The following HNRNPA1L2 variants were observed in gnomAD, a reference collection of about 807,000 sequenced individuals.
HNRNPA1L2 encodes the protein heterogeneous nuclear ribonucleoprotein A1-like 2.
In HNRNPA1L2, 10 loss-of-function variants were observed where a neutral mutation model predicts 18.2. That is an observed-to-expected ratio of 0.55 (90% confidence interval 0.34 to 0.93). The LOEUF (loss-of-function observed/expected upper bound fraction) is 0.93. Among genes scored for constraint, HNRNPA1L2 ranks in the 40% least tolerant of loss-of-function variants. The pLI, the probability that HNRNPA1L2 is intolerant of heterozygous loss-of-function variation, is 0.02. For missense variants in HNRNPA1L2, 308 were observed against 394.4 expected (o/e 0.78, Z 1.85); for synonymous variants, 124 against 138.6 (o/e 0.89, Z 0.74).
chr13:52,629,962 C>T, the HNRNPA1L2 span, among the ~76,000 whole-genome samples: 1 of 152,142 alleles, frequency 6.6e-6, no homozygotes. Context: ...GTGGTGAGCT[C>T]CTGCAATCCC....
chr13:52,624,415 T>C, the HNRNPA1L2 span, among the ~76,000 whole-genome samples: 1 of 152,154 alleles, frequency 6.6e-6, no homozygotes, highest in African/African-American at 2.4e-5. Context: ...TGGCCAGTTG[T>C]ATTTTCTTTT....
At chr13:52,630,361 C>G in the HNRNPA1L2 span, among the ~76,000 whole-genome samples, 1 of 152,202 alleles carries the variant, frequency 6.6e-6, no homozygotes, top group Non-Finnish European at 1.5e-5. Flanking sequence ...ACTGCAACCT[C>G]TGCCTCCTGG....
chr13:52,626,425 T>C, the HNRNPA1L2 span, among the ~76,000 whole-genome samples: 3 of 145,432 alleles, frequency 2.1e-5, no homozygotes, highest in South Asian at 2.2e-4. Context: ...ATCCCATCTC[T>C]TAAAAAAAAA....
At chr13:52,626,391 G>A in the HNRNPA1L2 span, among the ~76,000 whole-genome samples, 1 of 147,080 alleles carries the variant, frequency 6.8e-6, no homozygotes, top group African/African-American at 2.5e-5. Flanking sequence ...AGGACTTCGA[G>A]GCCAGACTTC....
chr13:52,631,296 A>G, the HNRNPA1L2 span, among the ~76,000 whole-genome samples: 1 of 152,234 alleles, frequency 6.6e-6, no homozygotes, highest in African/African-American at 2.4e-5. Flanking sequence ...TAAAATGCTG[A>G]AAGTGAAACC....
At chr13:52,621,068 C>T in the HNRNPA1L2 span, among the ~76,000 whole-genome samples, 7 of 152,122 alleles carry the variant, frequency 4.6e-5, no homozygotes, top group Non-Finnish European at 8.8e-5. Flanking sequence ...TACCCTCTTA[C>T]TGAAACTAAC....
chr13:52,631,665 G>A, the HNRNPA1L2 span, among the ~76,000 whole-genome samples: 548 of 152,264 alleles, frequency 3.6e-3, 1 homozygote, highest in Non-Finnish European at 4.6e-3. Flanking sequence ...GTAGAGAAAA[G>A]TAGTTTAGTC....
chr13:52,620,269 T>C, the HNRNPA1L2 span, among the ~76,000 whole-genome samples: 9,361 of 152,284 alleles, frequency 0.061, 333 homozygotes, highest in African/African-American at 0.095. Flanking sequence ...ACATGCTGAT[T>C]CCTGAACCCC....
chr13:52,620,830 A>T, the HNRNPA1L2 span, among the ~76,000 whole-genome samples: 369 of 152,156 alleles, frequency 2.4e-3, no homozygotes, highest in African/African-American at 8.5e-3. Flanking sequence ...GTGAGCCAAG[A>T]TCACGCCACT....
chr13:52,617,643 C>T, the HNRNPA1L2 span: 1 of 468,946 alleles, frequency 2.1e-6, no homozygotes, highest in Non-Finnish European at 3.9e-6. Context: ...ACATCAGCGG[C>T]TGCAATTTTG....
upstream of HNRNPA1L2, chr13:52,642,412 A>G (rs1566163308): frequency 4.5e-6 from 7 of 1,548,796 alleles, no homozygotes; most frequent in East Asian, 1.6e-4. Context: ...CCAGCTTCAT[A>G]TCTAAGATCT....
the HNRNPA1L2 span, among the ~76,000 whole-genome samples, chr13:52,629,804 C>T: frequency 2.0e-5 from 3 of 152,104 alleles, no homozygotes; most frequent in African/African-American, 4.8e-5. Context: ...GAAAGAAAGG[C>T]GTAGGCTGGG....
upstream of HNRNPA1L2, among the ~76,000 whole-genome samples, chr13:52,639,404 AAG>A (rs1382141279): frequency 2.0e-5 from 3 of 152,186 alleles, no homozygotes; most frequent in Non-Finnish European, 4.4e-5. Context: ...AACCCATTGT[AAG>A]TCAAGAAGCA....
At chr13:52,640,341 G>A (rs1961619108), upstream of HNRNPA1L2, among the ~76,000 whole-genome samples, 1 of 152,082 alleles carries the variant, frequency 6.6e-6, no homozygotes, top group Non-Finnish European at 1.5e-5. Flanking sequence ...AACTAGTATT[G>A]TTTATTTCTT....
At chr13:52,633,544 A>G in the HNRNPA1L2 span, among the ~76,000 whole-genome samples, 2 of 152,172 alleles carry the variant, frequency 1.3e-5, no homozygotes, top group African/African-American at 4.8e-5. Context: ...TTGGATTTTG[A>G]TAGAAATAAT....
the HNRNPA1L2 span, among the ~76,000 whole-genome samples, chr13:52,631,005 G>T: frequency 6.6e-6 from 1 of 152,086 alleles, no homozygotes; most frequent in Non-Finnish European, 1.5e-5. Flanking sequence ...TGGCAAAGGA[G>T]AAACTAAAAA....
chr13:52,636,797 AG>A, the HNRNPA1L2 span, among the ~76,000 whole-genome samples: 1 of 152,278 alleles, frequency 6.6e-6, no homozygotes, highest in East Asian at 1.9e-4. Context: ...GTAAAACCAA[AG>A]TTAAGCTTGC....
upstream of HNRNPA1L2, among the ~76,000 whole-genome samples, chr13:52,637,720 G>T (rs146376004): frequency 1.2e-3 from 179 of 152,236 alleles, 4 homozygotes; most frequent in East Asian, 0.03. Context: ...GGAAGTCAGG[G>T]TAATTGAGTA....
At chr13:52,640,863 C>T (rs1266781136), upstream of HNRNPA1L2, 1 of 152,298 alleles carries the variant, frequency 6.6e-6, no homozygotes, top group Non-Finnish European at 1.5e-5. Context: ...CTTCCCACTG[C>T]ACATGCTTCT....
Sources: gnomAD v4.1 joint callset for allele counts (sites outside exome capture counted in the v4.1 genomes callset) on GRCh38, gnomAD v4.1.1 for gene constraint, MANE v1.5 for transcripts, NCBI Gene and HGNC (gene_info 2026-07-23, HGNC 2026-07-21) for gene names.